Variants in C10orf90 observed in about 807,000 individuals in gnomAD.
The protein encoded by C10orf90 is (E2-independent) E3 ubiquitin-conjugating enzyme FATS.
In C10orf90, 56 loss-of-function variants were observed where a neutral mutation model predicts 62.5. The ratio of observed to expected loss-of-function variants is 0.90; its 90% CI spans 0.72 to 1.12. The LOEUF (loss-of-function observed/expected upper bound fraction) is 1.12. Ranked by LOEUF, C10orf90 falls within the 50% of genes most tolerant of loss-of-function variation. C10orf90 has a pLI of 0.00. For synonymous variants in C10orf90, 386 were observed against 340.4 expected (o/e 1.13, Z -1.47); for missense variants, 970 against 880.4 (o/e 1.10, Z -1.29).
chr10:126,452,583 T>C (rs999003444), intron 7 of C10orf90, among the ~76,000 whole-genome samples: 6 of 152,244 alleles, frequency 3.9e-5, no homozygotes, highest in Non-Finnish European at 8.8e-5. Context: ...ATTTTCCTTA[T>C]CATTCTGAAA....
intron 2 of C10orf90, among the ~76,000 whole-genome samples, chr10:126,555,616 T>C (rs1864747871): frequency 6.6e-6 from 1 of 150,732 alleles, no homozygotes. Flanking sequence ...GAGGTGGAGG[T>C]TGCAGTGAGC....
At chr10:126,459,428 C>A (rs1859810941) in intron 6 of C10orf90, among the ~76,000 whole-genome samples, 1 of 152,232 alleles carries the variant, frequency 6.6e-6, no homozygotes, top group Non-Finnish European at 1.5e-5. Flanking sequence ...TCAGGCCTGG[C>A]CAGCGCCGAG....
intron 2 of C10orf90, among the ~76,000 whole-genome samples, chr10:126,594,595 A>C (rs1199614010): frequency 1.6e-4 from 24 of 152,214 alleles, no homozygotes. Flanking sequence ...AAATATATAA[A>C]TAAGTAATTC....
chr10:126,545,276 G>A (rs192244850), intron 2 of C10orf90, among the ~76,000 whole-genome samples: 197 of 152,260 alleles, frequency 1.3e-3, no homozygotes, highest in Non-Finnish European at 2.1e-4. Flanking sequence ...AGAAACTACA[G>A]TTCAGTGTAC....
chr10:126,430,554 T>C (rs561217520), intron 7 of C10orf90, among the ~76,000 whole-genome samples: 1 of 152,320 alleles, frequency 6.6e-6, no homozygotes, highest in South Asian at 2.1e-4. Context: ...AAAGGGACTG[T>C]TCCAATAACT....
chr10:126,584,890 C>T (rs1844828771), intron 2 of C10orf90, among the ~76,000 whole-genome samples: 1 of 152,070 alleles, frequency 6.6e-6, no homozygotes, highest in Non-Finnish European at 1.5e-5. Context: ...GTTTGACAAG[C>T]CCTCTCTTCC....
At chr10:126,494,242 G>A (rs1407826828) in intron 4 of C10orf90, among the ~76,000 whole-genome samples, 1 of 152,164 alleles carries the variant, frequency 6.6e-6, no homozygotes, top group African/African-American at 2.4e-5. Flanking sequence ...AGATTGAGTA[G>A]ATTTTAAGTA....
rs1012205724 is a variant in C10orf90 at position 126,658,670 on chromosome 10, T to TA, written c.240+11570dup. Among the ~76,000 whole-genome samples, 7 of 152,308 alleles carry TA rather than the reference T, an allele frequency of 4.6e-5. No individual in the cohort carries two copies. In the East Asian group the frequency reaches 9.7e-4, roughly 21 times the overall value. On this transcript the variant is annotated intron_variant, in intron 1 of 9. Coordinates refer to ENST00000488181, the MANE Select transcript of C10orf90 (RefSeq NM_001350921.2). ...ATTAAATAGCAAATTTAAAACACTG[T>TA]AAAAAAGTCAAGAGACAGGCTACAG... is the stretch of plus-strand genomic sequence containing the variant.
At chr10:126,622,443 G>A (rs1239384992) in intron 2 of C10orf90, among the ~76,000 whole-genome samples, 1 of 152,134 alleles carries the variant, frequency 6.6e-6, no homozygotes, top group Non-Finnish European at 1.5e-5. Flanking sequence ...CTAGAGGTGA[G>A]GTACAACCTC....
At chr10:126,611,421 C>G (rs375488823) in intron 2 of C10orf90, among the ~76,000 whole-genome samples, 28 of 151,446 alleles carry the variant, frequency 1.8e-4, no homozygotes, top group East Asian at 1.2e-3. Context: ...TTGAGCTGTT[C>G]CCATTTTTTG....
intron 2 of C10orf90, among the ~76,000 whole-genome samples, chr10:126,569,835 T>A (rs1004568986): frequency 1.3e-5 from 2 of 152,054 alleles, no homozygotes; most frequent in African/African-American, 4.8e-5. Flanking sequence ...GGTAACAAAG[T>A]TTACAAGGGA....
chr10:126,547,999 GAA>G (rs1196936889), intron 2 of C10orf90, among the ~76,000 whole-genome samples: 3 of 151,962 alleles, frequency 2.0e-5, no homozygotes, highest in African/African-American at 4.8e-5. Context: ...TTTGAAATTT[GAA>G]AAGAGACCAA....
chr10:126,439,344 G>C (rs146913942), intron 7 of C10orf90, among the ~76,000 whole-genome samples: 280 of 152,258 alleles, frequency 1.8e-3, no homozygotes, highest in African/African-American at 5.8e-3. Flanking sequence ...GTACTTAAAA[G>C]CTGGAAGAGG....
chr10:126,493,385 G>A lies in C10orf90; in HGVS notation c.1534+10572C>T, dbSNP rs1654481509. Among the ~76,000 whole-genome samples the A allele has an allele frequency of 2.0e-5, 3 of 148,194 alleles. No individual in the cohort carries two copies. The Admixed American group carries it at 2.0e-4, about 10-fold the overall frequency. On this transcript the variant is annotated intron_variant, in intron 4 of 9. Transcript: ENST00000488181. ...TTTCCTTTTTTTTTTTTTTGAGACA[G>A]GGTCTCGCTCTGTCGCCTAGGCTAG...
chr10:126,581,472 G>C (rs552257164), intron 2 of C10orf90, among the ~76,000 whole-genome samples: 45 of 152,200 alleles, frequency 3.0e-4, no homozygotes, highest in African/African-American at 9.9e-4. Context: ...GCTGCACTCT[G>C]CATCCCTAAA....
At chr10:126,512,948 C>A (rs1428798243) in intron 3 of C10orf90, among the ~76,000 whole-genome samples, 1 of 152,120 alleles carries the variant, frequency 6.6e-6, no homozygotes, top group Non-Finnish European at 1.5e-5. Flanking sequence ...AAAGTAATAC[C>A]TAACACAAGC....
chr10:126,660,213 A>T (rs1437584400), intron 1 of C10orf90, among the ~76,000 whole-genome samples: 1 of 152,242 alleles, frequency 6.6e-6, no homozygotes, highest in African/African-American at 2.4e-5. Context: ...ACGGGCTATC[A>T]TATCCATGAT....
intron 4 of C10orf90, among the ~76,000 whole-genome samples, chr10:126,484,717 A>AAT (rs1256574582): frequency 6.6e-6 from 1 of 152,210 alleles, no homozygotes; most frequent in East Asian, 1.9e-4. Flanking sequence ...CTCTTCCAGG[A>AAT]ATATAGCTTA....
At position 126,504,577 on chromosome 10, in the gene C10orf90, T is replaced by G. The variant is rs1414590282; in HGVS notation, c.914A>C (p.Lys305Thr). 6.2e-7 allele frequency: 1 copy of G among 1,614,162 alleles called. No individual in the cohort carries two copies. Among genetic ancestry groups the G allele is most frequent in the Non-Finnish European group, 8.5e-7 (1 of 1,180,006 alleles). ...FSRNSSVVRL[K>T]VPEAHTGLCE... ...CAACCCAGTGTGGGCCTCGGGAACCTTCAGCCGCACCACGGAGCTGTTTCT... is the reference window on the plus strand; with the variant it reads ...CAACCCAGTGTGGGCCTCGGGAACCGTCAGCCGCACCACGGAGCTGTTTCT... The change falls in exon 4 of 10, where the codon AAG (lysine) becomes ACG (threonine). Residue 305 changes from lysine (K) to threonine (T), a missense_variant. Transcript: ENST00000488181. This position sits in a 1 kb window ranked among gnomAD's most constrained non-coding sequence, Gnocchi z 4.1.
Sources: gnomAD v4.1 joint callset for allele counts (sites outside exome capture counted in the v4.1 genomes callset) on GRCh38, gnomAD v4.1.1 for gene constraint, Gnocchi (gnomAD v3.1) non-coding constraint, MANE v1.5 for transcripts, NCBI Gene and HGNC (gene_info 2026-07-23, HGNC 2026-07-21) for gene names.